Variants in ITK observed in about 807,000 individuals in gnomAD.
ITK encodes the protein IL2 inducible T cell kinase.
ITK carries 45 observed loss-of-function variants against 87.6 expected under a neutral mutation model. The observed-to-expected ratio is 0.51, with a 90% confidence interval of 0.40 to 0.66. ITK has a LOEUF of 0.66. Ranked by LOEUF, ITK falls within the 30% of genes least tolerant of loss-of-function variation. The probability of loss-of-function intolerance (pLI) is 0.00; values close to 1 mark genes in which losing one functional copy is unlikely to be tolerated. For missense variants in ITK, 605 were observed against 766.3 expected (o/e 0.79, Z 2.48); for synonymous variants, 303 against 273.6 (o/e 1.11, Z -1.06).
Position 157,204,243 on chromosome 5 carries a change from T to C in ITK, c.139-4646T>C, listed in dbSNP as rs552240092. 3.3e-5 allele frequency among the ~76,000 whole-genome samples: 5 copies of C among 152,288 alleles called. No individual in the cohort carries two copies. In the South Asian group the frequency reaches 1.0e-3, roughly 32 times the overall value. ...CTGCTCTCGAATTCTTGGGCTCAAA[T>C]GACCTCCTACCTCAGCCTCTCAAAG... On this transcript the variant is annotated intron_variant, in intron 1 of 16. Transcript: ENST00000422843.
intron 9 of ITK, among the ~76,000 whole-genome samples, chr5:157,239,018 G>A (rs1484526906): frequency 6.6e-6 from 1 of 152,148 alleles, no homozygotes; most frequent in Non-Finnish European, 1.5e-5. Flanking sequence ...GGAAGGGCCC[G>A]ATCCAGGGAT....
chr5:157,201,081 T>TATTA (rs72545376), intron 1 of ITK, among the ~76,000 whole-genome samples: 19 of 151,952 alleles, frequency 1.3e-4, no homozygotes, highest in South Asian at 2.1e-4. Flanking sequence ...TAATATACAA[T>TATTA]ATTACTTGAA....
chr5:157,220,692 C>T (rs972082112), intron 5 of ITK, among the ~76,000 whole-genome samples: 1 of 152,214 alleles, frequency 6.6e-6, no homozygotes, highest in Non-Finnish European at 1.5e-5. Flanking sequence ...CTCCAAATGC[C>T]ATCCCTTGAT....
intron 6 of ITK, among the ~76,000 whole-genome samples, chr5:157,223,480 T>C (rs1373740382): frequency 1.3e-5 from 2 of 152,132 alleles, no homozygotes; most frequent in African/African-American, 4.8e-5. Flanking sequence ...ACACTAAAGA[T>C]TTAGTTACAA....
rs1053873443 is a variant in ITK at position 157,211,269 on chromosome 5, C to CTG, written c.244-8_244-7dup. ...CCATGCACGCTGCTCACCTTGAACT[C>CTG]TGTGTGTGTGTCTCCAGGTGGTGCA... On this transcript the variant is annotated splice_polypyrimidine_tract_variant and intron_variant, in intron 2 of 16. Transcript: ENST00000422843. 1.2e-6 allele frequency: 2 copies of CTG among 1,606,970 alleles called. No homozygotes were observed. The highest frequency in any genetic ancestry group is 1.7e-5 in the Admixed American group (1 of 59,994).
chr5:157,189,091 CAG>C (rs2113738001), intron 1 of ITK, among the ~76,000 whole-genome samples: 2 of 152,260 alleles, frequency 1.3e-5, no homozygotes, highest in South Asian at 4.1e-4. Context: ...TCTAGCCACA[CAG>C]AGACAAGAAA....
chr5:157,238,560 A>C (rs1754823075), intron 9 of ITK, among the ~76,000 whole-genome samples: 1 of 152,254 alleles, frequency 6.6e-6, no homozygotes, highest in African/African-American at 2.4e-5. Context: ...GGCTCTGCTC[A>C]TAAAACTACC....
intron 1 of ITK, among the ~76,000 whole-genome samples, chr5:157,189,321 G>A (rs1293537844): frequency 6.6e-6 from 1 of 152,140 alleles, no homozygotes; most frequent in Non-Finnish European, 1.5e-5. Context: ...AGTAGAAATA[G>A]CCCACAGAGA....
In ITK at chr5:157,208,962, G is replaced by A. The variant is rs1386860362; in HGVS notation, c.212G>A (p.Ser71Asn). ...GTTGAGATTGTGAAAAGTGACATCA[G>A]CATCCCATGCCACTATAAATACCCG... ...KCVEIVKSDI[S>N]IPCHYKYPFQ... The change falls in exon 2 of 17, where the codon AGC becomes AAC. Residue 71 changes from serine (S) to asparagine (N), a missense_variant. By Grantham distance (46) the Ser-to-Asn change is conservative (BLOSUM62 1). This residue lies in a region of ITK where 464 missense variants were observed against 578.0 expected (regional missense o/e 0.80). Coordinates refer to ENST00000422843, the MANE Select transcript of ITK (RefSeq NM_005546.4). 4 of 1,613,712 alleles carry A rather than the reference G, an allele frequency of 2.5e-6. No individual in the cohort carries two copies. The South Asian group carries it at 4.4e-5, about 18-fold the overall frequency.
Position 157,243,782 on chromosome 5 carries a change from C to T in ITK, c.1220C>T (p.Ala407Val). The T allele has an allele frequency of 6.2e-7, 1 of 1,613,848 alleles. No individual in the cohort carries two copies. Among genetic ancestry groups the T allele is most frequent in the Non-Finnish European group, 8.5e-7 (1 of 1,179,810 alleles). ...TCAGAAGAGGACTTCATAGAGGAGG[C>T]TGAAGTAATGATGTGAGTGCTCAGA... ...AMSEEDFIEEAEVMMKLSHPK... is the reference protein window; with the variant it reads ...AMSEEDFIEEVEVMMKLSHPK... Residue 407 changes from alanine (A) to valine (V), a missense_variant, in exon 12 of 17, where the codon GCT (alanine) becomes GTT (valine). Physicochemically the swap from Ala to Val is moderately conservative, Grantham distance 64. Around this residue, in one of 3 missense-constraint regions of ITK, gnomAD observed 464 missense variants for 578.0 expected, o/e 0.80. Coordinates refer to ENST00000422843, the MANE Select transcript of ITK (RefSeq NM_005546.4).
chr5:157,245,849 A>G, intron 14 of ITK, 32 bp from the exon 15 acceptor site: 1 of 1,610,380 alleles, frequency 6.2e-7, no homozygotes, highest in Non-Finnish European at 8.5e-7. Context: ...CCCCCGGAAC[A>G]TTCTGACCTT....
intron 9 of ITK, among the ~76,000 whole-genome samples, chr5:157,238,834 AG>A (rs1195918304): frequency 6.6e-6 from 1 of 152,262 alleles, no homozygotes; most frequent in African/African-American, 2.4e-5. Flanking sequence ...GAACCTATCT[AG>A]GTCTCAAATT....
Position 157,244,911 on chromosome 5 carries a change from T to C in ITK, c.1449+433T>C, listed in dbSNP as rs1204080416. On this transcript the variant is annotated intron_variant, in intron 13 of 16. Coordinates refer to ENST00000422843, the MANE Select transcript of ITK (RefSeq NM_005546.4). ...TATTCATTTTAACACATTCCCCGTA[T>C]GATTTGTATGCACATTAAAATTTGA... The C allele has an allele frequency of 1.7e-4, 42 of 251,342 alleles. No homozygotes were observed. The Admixed American group carries it at 2.0e-3, about 12-fold the overall frequency. The allele number at this position is 251,342 out of a possible 1,614,324, so 15.6% of individuals were successfully genotyped here.
chr5:157,236,345 A>C (rs1036740090), intron 8 of ITK, among the ~76,000 whole-genome samples: 9 of 151,786 alleles, frequency 5.9e-5, no homozygotes, highest in African/African-American at 2.2e-4. Context: ...ACTGCACTCC[A>C]GCCTGGGTGA....
intron 16 of ITK, 133 bp from the exon 17 acceptor site, chr5:157,252,474 T>C: frequency 2.7e-6 from 2 of 738,304 alleles, no homozygotes; most frequent in Middle Eastern, 2.3e-4. Flanking sequence ...GGACAATGTA[T>C]ATGGAATACA....
chr5:157,210,885 C>T (rs1408527073), intron 2 of ITK, among the ~76,000 whole-genome samples: 2 of 151,862 alleles, frequency 1.3e-5, no homozygotes, highest in African/African-American at 4.8e-5. Flanking sequence ...TCTTGTGAGT[C>T]TTAAACTATT....
chr5:157,214,455 C>T (rs1324695418), intron 4 of ITK, 136 bp downstream of exon 4: 5 of 751,678 alleles, frequency 6.7e-6, no homozygotes, highest in Admixed American at 2.1e-5. Flanking sequence ...GAGGAATCAT[C>T]TGTCTTTCCT....
intron 1 of ITK, among the ~76,000 whole-genome samples, chr5:157,204,262 C>G (rs1754035021): frequency 6.6e-6 from 1 of 152,226 alleles, no homozygotes; most frequent in Non-Finnish European, 1.5e-5. Flanking sequence ...ACCTCAGCCT[C>G]TCAAAGATCT....
At chr5:157,217,645 A>G (rs554806957) in intron 4 of ITK, among the ~76,000 whole-genome samples, 57 of 152,276 alleles carry the variant, frequency 3.7e-4, no homozygotes, top group South Asian at 8.3e-4. Context: ...TCTGGTGTGT[A>G]CTAGAAAAGG....
Sources: allele counts gnomAD v4.1 joint callset (sites outside exome capture counted in the v4.1 genomes callset), GRCh38; gene constraint gnomAD v4.1.1; regional missense constraint gnomAD v4.1.1; transcripts MANE v1.5; gene names NCBI Gene and HGNC (gene_info 2026-07-23, HGNC 2026-07-21).